LHX4: variants seen among roughly 807,000 people sequenced by gnomAD.
LHX4 encodes LIM homeobox 4, also known as LIM/homeobox protein Lhx4.
Under a neutral mutation model 39.2 loss-of-function variants are expected in LHX4, and 16 were observed. The observed-to-expected ratio is 0.41, with a 90% CI of 0.28 to 0.62. The LOEUF is 0.62. Ranked by LOEUF, LHX4 falls within the 20% of genes least tolerant of loss-of-function variation. LHX4 has a pLI of 0.33. For missense variants in LHX4, 439 were observed against 511.9 expected (o/e 0.86, Z 1.37); for synonymous variants, 206 against 198.1 (o/e 1.04, Z -0.33).
At position 180,230,605 on chromosome 1, in the gene LHX4, C is replaced by A. The variant is rs1389224684; in HGVS notation, c.76C>A (p.Gln26Lys). ...LPEMLGVPMQ[Q>K]IPQCAGCNQH... The stretch of plus-strand genomic sequence containing the variant: ...GGAGATGCTAGGTGTGCCGATGCAA[C>A]GTAAGACACCCCCCTTTCTCGCTGA... The change falls in exon 1 of 6, where the codon CAG becomes AAG. Residue 26 changes from glutamine (Q) to lysine (K), a missense_variant and splice_region_variant. Coordinates refer to ENST00000263726, the MANE Select transcript of LHX4 (RefSeq NM_033343.4). The surrounding 1 kb of genome is among the most constrained non-coding windows in gnomAD (Gnocchi z 5.8). 6.2e-7 allele frequency: 1 copy of A among 1,612,324 alleles called. No individual in the cohort carries two copies. The highest frequency in any genetic ancestry group is 8.5e-7 in the Non-Finnish European group (1 of 1,178,616).
At chr1:180,229,864 G>A (rs924214606), upstream of LHX4, among the ~76,000 whole-genome samples, 37 of 150,820 alleles carry the variant, frequency 2.5e-4, no homozygotes, top group Admixed American at 1.3e-4. Context: ...CCAGGGCGCC[G>A]CCGTCTCCGA....
intron 3 of LHX4, 168 bp from the exon 4 acceptor site, chr1:180,271,212 C>G: frequency 1.4e-6 from 1 of 739,040 alleles, no homozygotes; most frequent in South Asian, 1.5e-5. Context: ...GTGCAGGAGT[C>G]AGTGCCATGA....
chr1:180,260,118 C>T (rs1187938790), intron 2 of LHX4, among the ~76,000 whole-genome samples: 2 of 151,620 alleles, frequency 1.3e-5, no homozygotes, highest in African/African-American at 4.9e-5. Flanking sequence ...GGTGGCAGTG[C>T]AGCCACGGGG....
Position 180,275,160 on chromosome 1 carries a change from T to C in LHX4, c.*581T>C, listed in dbSNP as rs1240489269. 1 of 152,290 alleles carries C rather than the reference T, an allele frequency of 6.6e-6. No individual in the cohort carries two copies. The highest frequency in any genetic ancestry group is 6.5e-5 in the Admixed American group (1 of 15,290). 9.4% of individuals were successfully genotyped at this position (152,290 alleles called of 1,614,324 possible). A position where few individuals can be genotyped will look rare whatever the true frequency, so the allele number is the denominator to read the frequency against. ...AACATGCCCCCTCCTTTTTTATTTT[T>C]GCTGTGAAGATATGAATTCTTTCCT... On this transcript the variant is annotated 3_prime_UTR_variant, in exon 6 of 6. Transcript: ENST00000263726.
At chr1:180,237,078 TTCTC>T (rs959909787) in intron 1 of LHX4, among the ~76,000 whole-genome samples, 1 of 152,186 alleles carries the variant, frequency 6.6e-6, no homozygotes, top group African/African-American at 2.4e-5. Flanking sequence ...TGGCTTGAAT[TTCTC>T]TTTCTTCCTC....
intron 2 of LHX4, among the ~76,000 whole-genome samples, chr1:180,253,864 A>T (rs1353060671): frequency 6.6e-6 from 1 of 152,146 alleles, no homozygotes; most frequent in East Asian, 1.9e-4. Context: ...AGAGCTTCCC[A>T]TGGAGATGAC....
intron 2 of LHX4, among the ~76,000 whole-genome samples, chr1:180,255,079 T>C (rs1312196719): frequency 6.6e-6 from 1 of 152,212 alleles, no homozygotes; most frequent in Non-Finnish European, 1.5e-5. Context: ...TCCAGAGCTG[T>C]GGGCAGGAAC....
At position 180,230,732 on chromosome 1, in the gene LHX4, A is replaced by G; in HGVS notation, c.76+127A>G. On this transcript the variant is annotated intron_variant, in intron 1 of 5. Transcript: ENST00000263726. The surrounding 1 kb of genome is among the most constrained non-coding windows in gnomAD (Gnocchi z 5.8). The stretch of plus-strand genomic sequence containing the variant: ...TGGCGGCCGGGGCGCAGAGGCGGTC[A>G]CAGGGCAGGGGCACCAGCCAGAGTG... 1 of 858,700 alleles carries G rather than the reference A, an allele frequency of 1.2e-6. No homozygotes were observed. The highest frequency in any genetic ancestry group is 1.9e-6 in the Non-Finnish European group (1 of 520,940). 53.2% of individuals were successfully genotyped at this position (858,700 alleles called of 1,614,324 possible). A position where few individuals can be genotyped will look rare whatever the true frequency, so the allele number is the denominator to read the frequency against.
chr1:180,236,815 G>A (rs1462289230), intron 1 of LHX4, among the ~76,000 whole-genome samples: 1 of 152,206 alleles, frequency 6.6e-6, no homozygotes, highest in Admixed American at 6.5e-5. Context: ...GACAAAAGGA[G>A]TAATATTACC....
chr1:180,231,120 G>C (rs975443946), intron 1 of LHX4, among the ~76,000 whole-genome samples: 56 of 152,072 alleles, frequency 3.7e-4, no homozygotes, highest in African/African-American at 1.3e-3. Context: ...GTGCGTGCCG[G>C]GTGAGTCCCC....
chr1:180,235,483 T>C (rs165257), intron 1 of LHX4, among the ~76,000 whole-genome samples: 82,674 of 152,110 alleles, frequency 0.54, 24,721 homozygotes, highest in African/African-American at 0.81. Flanking sequence ...ACCCCAACCC[T>C]GGCGGCTCGA....
intron 1 of LHX4, among the ~76,000 whole-genome samples, chr1:180,243,706 T>A (rs1357885868): frequency 6.6e-6 from 1 of 152,080 alleles, no homozygotes; most frequent in African/African-American, 2.4e-5. Flanking sequence ...CGCCCTCCTG[T>A]GGACATTAGG....
At chr1:180,271,314 G>A (rs1050338704) in intron 3 of LHX4, 66 bp from the exon 4 acceptor site, 12 of 1,564,306 alleles carry the variant, frequency 7.7e-6, no homozygotes, top group African/African-American at 1.4e-5. Flanking sequence ...TGGAAGGGAG[G>A]GTGTGGGAGG....
chr1:180,271,593 G>A (rs1648664184), intron 4 of LHX4, 59 bp downstream of exon 4: 2 of 1,596,672 alleles, frequency 1.3e-6, no homozygotes, highest in Admixed American at 1.7e-5. Context: ...AGGGGTGGAA[G>A]GTATCCTGAG....
intron 2 of LHX4, among the ~76,000 whole-genome samples, chr1:180,255,051 C>T (rs953487058): frequency 2.0e-5 from 3 of 152,218 alleles, no homozygotes; most frequent in Admixed American, 6.5e-5. Flanking sequence ...TCATGGGATG[C>T]TCTCCCTCCC....
At chr1:180,247,193 A>C (rs1257203897) in intron 1 of LHX4, among the ~76,000 whole-genome samples, 8 of 152,186 alleles carry the variant, frequency 5.3e-5, no homozygotes, top group Non-Finnish European at 1.2e-4. Context: ...AATACTATCA[A>C]ATTCGCAAGC....
chr1:180,260,810 C>T (rs1398781225), intron 2 of LHX4, among the ~76,000 whole-genome samples: 2 of 151,812 alleles, frequency 1.3e-5, no homozygotes, highest in Non-Finnish European at 2.9e-5. Context: ...GCACCAAGGC[C>T]GGGTTTGCTG....
chr1:180,234,794 G>C lies in LHX4; in HGVS notation c.76+4189G>C, dbSNP rs1442597706. ...TCTCTTGGCCGAGGTCCGGGCTCGT[G>C]GAAAACCAGAGCTAGGCGGGGCTAC... On this transcript the variant is annotated intron_variant, in intron 1 of 5. Coordinates refer to ENST00000263726, the MANE Select transcript of LHX4 (RefSeq NM_033343.4). The surrounding 1 kb of genome is among the most constrained non-coding windows in gnomAD (Gnocchi z 4.8). Among the ~76,000 whole-genome samples, 1 of 152,250 alleles carries C rather than the reference G, an allele frequency of 6.6e-6. No homozygotes were observed. Among genetic ancestry groups the C allele is most frequent in the African/African-American group, 2.4e-5 (1 of 41,472 alleles).
chr1:180,259,262 C>T (rs763379201), intron 2 of LHX4, among the ~76,000 whole-genome samples: 2 of 152,070 alleles, frequency 1.3e-5, no homozygotes, highest in African/African-American at 2.4e-5. Context: ...TTGGGTAGGG[C>T]ACTGCCTTGA....
Sources: allele counts gnomAD v4.1 joint callset (sites outside exome capture counted in the v4.1 genomes callset), GRCh38; gene constraint gnomAD v4.1.1; non-coding constraint Gnocchi (gnomAD v3.1); transcripts MANE v1.5; gene names NCBI Gene and HGNC (gene_info 2026-07-23, HGNC 2026-07-21).